Variants in PGBD5 observed in about 807,000 individuals in gnomAD.
PGBD5 encodes piggyBac transposable element-derived protein 5.
Under a neutral mutation model 47.9 loss-of-function variants are expected in PGBD5, and 14 were observed. The ratio of observed to expected loss-of-function variants is 0.29; its 90% CI spans 0.19 to 0.46. The LOEUF is 0.46. Among genes scored for constraint, PGBD5 ranks in the 20% least tolerant of loss-of-function variants. The pLI is 1.00. For synonymous variants in PGBD5, 316 were observed against 306.3 expected, an observed-to-expected ratio of 1.03 and a Z score of -0.33; for missense variants, 635 against 716.0, an observed-to-expected ratio of 0.89 and a Z score of 1.29.
intron 2 of PGBD5, among the ~76,000 whole-genome samples, chr1:230,354,483 C>T (rs925590112): frequency 1.3e-4 from 19 of 150,958 alleles, no homozygotes; most frequent in African/African-American, 4.0e-4. Context: ...AGGGGAGGGA[C>T]CTATGATCAG....
intron 1 of PGBD5, among the ~76,000 whole-genome samples, chr1:230,423,802 C>T (rs1228582373): frequency 1.3e-5 from 2 of 152,138 alleles, no homozygotes; most frequent in African/African-American, 4.8e-5. Context: ...GGTTAAAGGA[C>T]CTGATTCTTC....
intron 5 of PGBD5, among the ~76,000 whole-genome samples, chr1:230,331,889 G>C (rs1263227194): frequency 6.6e-6 from 1 of 151,646 alleles, no homozygotes; most frequent in Non-Finnish European, 1.5e-5. Context: ...CCATCTGCTG[G>C]GGTCCCTTGA....
chr1:230,380,682 C>T (rs1656442412), intron 1 of PGBD5, among the ~76,000 whole-genome samples: 5 of 152,216 alleles, frequency 3.3e-5, no homozygotes, highest in Admixed American at 3.3e-4. Flanking sequence ...AGCAAATGCA[C>T]ACCTGGTGAA....
In PGBD5 at chr1:230,425,426, A is replaced by T. The variant is rs2102759052; in HGVS notation, c.331+172T>A. Among the ~76,000 whole-genome samples the T allele has an allele frequency of 6.6e-6, 1 of 152,094 alleles. No individual in the cohort carries two copies. The highest frequency in any genetic ancestry group is 1.5e-5 in the Non-Finnish European group (1 of 67,972). ...TTACCCTCTCCACCCACGGGTTCGGAGCCCCCAGGAGCAGTCAGACCGATC... is the reference window on the plus strand; with the variant it reads ...TTACCCTCTCCACCCACGGGTTCGGTGCCCCCAGGAGCAGTCAGACCGATC... On this transcript the variant is annotated intron_variant, in intron 1 of 6. Coordinates refer to ENST00000391860, the MANE Select transcript of PGBD5 (RefSeq NM_001258311.2). The surrounding 1 kb of genome is among the most constrained non-coding windows in gnomAD (Gnocchi z 4.7).
intron 1 of PGBD5, among the ~76,000 whole-genome samples, chr1:230,418,703 T>C (rs920545421): frequency 6.6e-6 from 1 of 152,194 alleles, no homozygotes; most frequent in African/African-American, 2.4e-5. Context: ...TTTCCCAAGA[T>C]GGTCTCGAAC....
At chr1:230,399,510 C>T (rs992278393) in intron 1 of PGBD5, among the ~76,000 whole-genome samples, 4 of 152,122 alleles carry the variant, frequency 2.6e-5, no homozygotes, top group Admixed American at 6.5e-5. Context: ...GTTACCCATA[C>T]GTTTACTTTA....
At chr1:230,385,516 G>A (rs1000338455) in intron 1 of PGBD5, among the ~76,000 whole-genome samples, 11 of 152,198 alleles carry the variant, frequency 7.2e-5, no homozygotes, top group African/African-American at 2.2e-4. Context: ...GGCACCAGCC[G>A]TTGCAGCAGT....
intron 5 of PGBD5, among the ~76,000 whole-genome samples, chr1:230,330,045 A>G (rs1426373989): frequency 6.6e-6 from 1 of 152,264 alleles, no homozygotes; most frequent in East Asian, 1.9e-4. Context: ...AATGTGCTAT[A>G]GGCAGAAAAC....
intron 2 of PGBD5, 72 bp from the exon 3 acceptor site, chr1:230,351,164 C>G: frequency 1.4e-6 from 2 of 1,470,438 alleles, no homozygotes; most frequent in Non-Finnish European, 1.8e-6. Flanking sequence ...GATTGGAGCT[C>G]AAATTCAGCC....
intron 3 of PGBD5, among the ~76,000 whole-genome samples, chr1:230,340,174 G>A (rs1308963615): frequency 1.3e-5 from 2 of 152,004 alleles, no homozygotes; most frequent in South Asian, 2.1e-4. Context: ...TTACTCATGA[G>A]TTTCACTTTT....
rs1272625690 is a variant in PGBD5 at position 230,357,584 on chromosome 1, C to T, written c.332-263G>A. Among the ~76,000 whole-genome samples, 1 of 152,172 alleles carries T rather than the reference C, an allele frequency of 6.6e-6. No homozygotes were observed. The highest frequency in any genetic ancestry group is 1.5e-5 in the Non-Finnish European group (1 of 68,044). On this transcript the variant is annotated intron_variant, in intron 1 of 6. Coordinates refer to ENST00000391860, the MANE Select transcript of PGBD5 (RefSeq NM_001258311.2). The surrounding 1 kb of genome is among the most constrained non-coding windows in gnomAD (Gnocchi z 5.7). ...GGAGCGCAGCTCCTCCCAGACACCACAGGAACAAACAGCCCTGACACCCGG... is the reference window on the plus strand; with the variant it reads ...GGAGCGCAGCTCCTCCCAGACACCATAGGAACAAACAGCCCTGACACCCGG...
chr1:230,389,227 G>A (rs1315684488), intron 1 of PGBD5, among the ~76,000 whole-genome samples: 2 of 150,662 alleles, frequency 1.3e-5, no homozygotes, highest in African/African-American at 2.4e-5. Context: ...AGGCTGGAGT[G>A]CAGTGGCGCG....
rs185753951 is a variant in PGBD5, at chr1:230,398,481, A to C, written c.331+27117T>G. Among the ~76,000 whole-genome samples the C allele has an allele frequency of 1.5e-4, 23 of 152,302 alleles. No homozygotes were observed. The East Asian group carries it at 3.9e-3, about 26-fold the overall frequency. On this transcript the variant is annotated intron_variant, in intron 1 of 6. Coordinates refer to ENST00000391860, the MANE Select transcript of PGBD5 (RefSeq NM_001258311.2). ...ATTTTACCTTAATTACCTTTTAAAG[A>C]CCTCATCTCCAAAGAAGGTCACATT... is the stretch of plus-strand genomic sequence containing the variant.
chr1:230,378,994 G>C (rs1571849208), intron 1 of PGBD5, among the ~76,000 whole-genome samples: 1 of 152,132 alleles, frequency 6.6e-6, no homozygotes, highest in Non-Finnish European at 1.5e-5. Flanking sequence ...TTGAGGGGAC[G>C]TTTTTCTGTT....
intron 2 of PGBD5, among the ~76,000 whole-genome samples, chr1:230,355,767 G>A (rs1667629932): frequency 6.6e-6 from 1 of 152,216 alleles, no homozygotes; most frequent in Non-Finnish European, 1.5e-5. Flanking sequence ...TTGCAAGGCA[G>A]AGAGAAGAAG....
chr1:230,374,773 A>G (rs1441315819), intron 1 of PGBD5, among the ~76,000 whole-genome samples: 3 of 152,374 alleles, frequency 2.0e-5, no homozygotes, highest in African/African-American at 7.2e-5. Context: ...ACCAGAGAGC[A>G]GGATTAGGAA....
rs1348303023 is a variant in PGBD5 at position 230,315,613 on chromosome 1, G to A, written c.*7812C>T. On this transcript the variant is annotated 3_prime_UTR_variant, in exon 7 of 7. Coordinates refer to ENST00000391860, the MANE Select transcript of PGBD5 (RefSeq NM_001258311.2). ...AATGGGGGCCAGGACTGGACATGTG[G>A]TTTGATTGCTAAGGACCTAGCAGAG... The A allele has an allele frequency of 6.6e-6, 1 of 151,898 alleles. No individual in the cohort carries two copies. Among genetic ancestry groups the A allele is most frequent in the Non-Finnish European group, 1.5e-5 (1 of 67,976 alleles). 9.4% of individuals were successfully genotyped at this position (151,898 alleles called of 1,614,324 possible). A position where few individuals can be genotyped will look rare whatever the true frequency, so the allele number is the denominator to read the frequency against.
In PGBD5 at chr1:230,323,414, C is replaced by T. The variant is rs374265486; in HGVS notation, c.*11G>A. The T allele has an allele frequency of 1.5e-5, 24 of 1,609,836 alleles. No homozygotes were observed. Among genetic ancestry groups the T allele is most frequent in the African/African-American group, 2.7e-5 (2 of 74,948 alleles). On this transcript the variant is annotated 3_prime_UTR_variant, in exon 7 of 7. Coordinates refer to ENST00000391860, the MANE Select transcript of PGBD5 (RefSeq NM_001258311.2). This position sits in a 1 kb window ranked among gnomAD's most constrained non-coding sequence, Gnocchi z 4.1. ...TTGCCCCTCCCTTGACCGAGTCCTGCGCCCCCAGCATCAGTGGGTCGGAGA... is the reference window on the plus strand; with the variant it reads ...TTGCCCCTCCCTTGACCGAGTCCTGTGCCCCCAGCATCAGTGGGTCGGAGA...
chr1:230,412,388 T>TC (rs1491143113), intron 1 of PGBD5, among the ~76,000 whole-genome samples: 1 of 84,724 alleles, frequency 1.2e-5, no homozygotes, highest in Non-Finnish European at 2.3e-5. Context: ...TCCTAAAGTC[T>TC]TTTTTTTTTT....
Sources: allele counts gnomAD v4.1 joint callset (sites outside exome capture counted in the v4.1 genomes callset), GRCh38; gene constraint gnomAD v4.1.1; non-coding constraint Gnocchi (gnomAD v3.1); transcripts MANE v1.5; gene names NCBI Gene and HGNC (gene_info 2026-07-23, HGNC 2026-07-21).